The following CCDC3 variants were observed in gnomAD, a reference collection of about 807,000 sequenced individuals.
CCDC3 encodes coiled-coil domain containing 3, also known as coiled-coil domain-containing protein 3.
Under a neutral mutation model 21.4 loss-of-function variants are expected in CCDC3, and 24 were observed. The observed-to-expected ratio is 1.12, with a 90% CI of 0.81 to 1.58. The LOEUF is 1.58. Ranked by LOEUF, CCDC3 falls within the 40% of genes most tolerant of loss-of-function variation. CCDC3 has a pLI of 0.00. For synonymous variants in CCDC3, 186 were observed against 166.0 expected, an observed-to-expected ratio of 1.12 and a Z score of -0.93; for missense variants, 425 against 360.9, an observed-to-expected ratio of 1.18 and a Z score of -1.44.
In CCDC3 at chr10:12,980,937, G is replaced by A. The variant is rs74119551; in HGVS notation, c.549+17401C>T. 2.5e-3 allele frequency among the ~76,000 whole-genome samples: 379 copies of A among 152,306 alleles called. 3 individuals are homozygous for A. Among genetic ancestry groups the A allele is most frequent in the African/African-American group, 8.7e-3 (362 of 41,568 alleles). ...TCTGCTTCTAGTACTCTGGCACATT[G>A]CCATAATCATGACCCTAGCATTGGT... On this transcript the variant is annotated intron_variant, in intron 2 of 2. Coordinates refer to ENST00000378825, the MANE Select transcript of CCDC3 (RefSeq NM_031455.4).
chr10:13,057,341 C>T (rs1003410398), intron 4 of CCDC3, among the ~76,000 whole-genome samples: 2 of 152,000 alleles, frequency 1.3e-5, no homozygotes, highest in Non-Finnish European at 2.9e-5. Context: ...GAAGACTTTT[C>T]ATGATTCCTT....
chr10:12,899,268 T>C (rs1834058111), intron 2 of CCDC3, among the ~76,000 whole-genome samples: 1 of 152,024 alleles, frequency 6.6e-6, no homozygotes, highest in South Asian at 2.1e-4. Flanking sequence ...CCACTCATAA[T>C]AACATAAAAA....
In CCDC3 at chr10:12,901,101, TC is replaced by T. The variant is rs1447317528; in HGVS notation, c.550-2423del. Among the ~76,000 whole-genome samples the T allele has an allele frequency of 1.1e-4, 17 of 152,220 alleles. No homozygotes were observed. The East Asian group carries it at 3.3e-3, about 29-fold the overall frequency. On this transcript the variant is annotated intron_variant, in intron 2 of 2. Transcript: ENST00000378825. ...GCCCCTCATCCCAACTTGGAAGATC[TC>T]TGAAGGGCGGTCCCCATTGCTGGGT...
At chr10:12,960,168 A>ACAACACACACACACACAC (rs1554756648) in intron 2 of CCDC3, among the ~76,000 whole-genome samples, 1 of 148,748 alleles carries the variant, frequency 6.7e-6, no homozygotes, top group Admixed American at 6.7e-5. Context: ...ACACACACAC[A>ACAACACACACACACACAC]ACACACACAC....
intron 3 of CCDC3, among the ~76,000 whole-genome samples, chr10:13,088,796 G>A (rs2131453172): frequency 6.6e-6 from 1 of 152,342 alleles, no homozygotes; most frequent in African/African-American, 2.4e-5. Context: ...GCCAAGGCAG[G>A]AGGATCACCT....
At chr10:13,080,626 C>T (rs1245542314) in intron 3 of CCDC3, among the ~76,000 whole-genome samples, 1 of 152,088 alleles carries the variant, frequency 6.6e-6, no homozygotes, top group African/African-American at 2.4e-5. Context: ...AAATATTATC[C>T]AACCCCTTAT....
chr10:13,064,141 G>C (rs1836795629), intron 4 of CCDC3, among the ~76,000 whole-genome samples: 1 of 152,042 alleles, frequency 6.6e-6, no homozygotes, highest in African/African-American at 2.4e-5. Context: ...GGCCAGGTTG[G>C]TCTCGATCTC....
intron 2 of CCDC3, among the ~76,000 whole-genome samples, chr10:12,928,170 T>C (rs1039163150): frequency 1.3e-5 from 2 of 152,192 alleles, no homozygotes; most frequent in Non-Finnish European, 2.9e-5. Context: ...ATACCAACTG[T>C]GGCTCAAGGC....
intron 2 of CCDC3, among the ~76,000 whole-genome samples, chr10:12,987,369 T>G (rs1456539229): frequency 6.6e-6 from 1 of 152,226 alleles, no homozygotes; most frequent in African/African-American, 2.4e-5. Context: ...GGAGATCTTA[T>G]GGGATATATG....
intron 5 of CCDC3, among the ~76,000 whole-genome samples, chr10:13,036,995 G>T (rs1246489605): frequency 6.6e-6 from 1 of 151,310 alleles, no homozygotes; most frequent in Non-Finnish European, 1.5e-5. Context: ...GTGTTGCCTA[G>T]GCTGGTCTTG....
chr10:13,023,112 T>C (rs1254740876), intron 5 of CCDC3, among the ~76,000 whole-genome samples: 1 of 152,078 alleles, frequency 6.6e-6, no homozygotes, highest in Non-Finnish European at 1.5e-5. Flanking sequence ...AAACAGCCCT[T>C]TTCATGATTG....
intron 2 of CCDC3, among the ~76,000 whole-genome samples, chr10:12,912,129 TACTG>T (rs1834279825): frequency 3.3e-5 from 5 of 151,408 alleles, no homozygotes; most frequent in Admixed American, 1.3e-4. Context: ...CTCTTCGACA[TACTG>T]ACTTTGGATG....
rs1456435644 is a variant in CCDC3 at position 12,976,166 on chromosome 10, A to G, written c.549+22172T>C. Reference sequence around the variant, plus strand: ...TCTCTAGAGACCCGGCCTTGGCCCTATTTCCCCTAAGATGGGTGGGCAGAG... The same window carrying G: ...TCTCTAGAGACCCGGCCTTGGCCCTGTTTCCCCTAAGATGGGTGGGCAGAG... On this transcript the variant is annotated intron_variant, in intron 2 of 2. Transcript: ENST00000378825. Among the ~76,000 whole-genome samples the G allele has an allele frequency of 2.0e-5, 3 of 152,230 alleles. No homozygotes were observed. The East Asian group carries it at 5.8e-4, about 29-fold the overall frequency.
chr10:12,929,725 A>G (rs1834609394), intron 2 of CCDC3, among the ~76,000 whole-genome samples: 1 of 152,172 alleles, frequency 6.6e-6, no homozygotes, highest in South Asian at 2.1e-4. Flanking sequence ...ATTGAAGACA[A>G]TTTAACACCA....
chr10:13,036,615 G>T (rs1412003502), intron 5 of CCDC3, among the ~76,000 whole-genome samples: 1 of 152,132 alleles, frequency 6.6e-6, no homozygotes, highest in Non-Finnish European at 1.5e-5. Context: ...CTCCCGAGTA[G>T]CTGGGACGAC....
At chr10:13,002,100 C>A (rs972023320), upstream of CCDC3, among the ~76,000 whole-genome samples, 1 of 152,208 alleles carries the variant, frequency 6.6e-6, no homozygotes, top group Non-Finnish European at 1.5e-5. Flanking sequence ...ACTTTATATT[C>A]CCAGAGATTA....
At chr10:12,992,648 G>A (rs750868494) in intron 2 of CCDC3, among the ~76,000 whole-genome samples, 5 of 152,040 alleles carry the variant, frequency 3.3e-5, no homozygotes, top group Admixed American at 6.6e-5. Context: ...CTGGGGACTC[G>A]GTGGGAAGGG....
At position 12,898,536 on chromosome 10, in the gene CCDC3, C is replaced by G; in HGVS notation, c.693G>C (p.Ala231=). The change falls in exon 3 of 3, where the codon GCG becomes GCC. Residue 231 remains alanine, a synonymous_variant. Transcript: ENST00000378825. ...VKKVKRSLRQ[A]RKKGRHLELA... ...GCTCCAGGTGGCGGCCCTTCTTACG[C>G]GCCTGCCGCAAGGACCTCTTGACCT... 2 of 1,614,208 alleles carry G rather than the reference C, an allele frequency of 1.2e-6. No homozygotes were observed. The highest frequency in any genetic ancestry group is 3.3e-5 in the Admixed American group (2 of 60,026).
chr10:13,080,531 A>G (rs558418022), intron 3 of CCDC3, among the ~76,000 whole-genome samples: 1 of 152,382 alleles, frequency 6.6e-6, no homozygotes, highest in African/African-American at 2.4e-5. Context: ...AGGCATAAGA[A>G]TATCAATTTT....
Sources: allele counts gnomAD v4.1 joint callset (sites outside exome capture counted in the v4.1 genomes callset), GRCh38; gene constraint gnomAD v4.1.1; transcripts MANE v1.5; gene names NCBI Gene and HGNC (gene_info 2026-07-23, HGNC 2026-07-21).